Variants in DLG2 observed in about 807,000 individuals in gnomAD.
The protein encoded by DLG2 is discs large MAGUK scaffold protein 2.
In DLG2, 45 loss-of-function variants were observed where a neutral mutation model predicts 132.5. The ratio of observed to expected loss-of-function variants is 0.34; its 90% CI spans 0.27 to 0.44. The LOEUF (loss-of-function observed/expected upper bound fraction) is 0.44, where lower values mean the gene tolerates loss of function less well. DLG2 is among the 20% of genes least tolerant of loss of function. The pLI is 1.00. For synonymous variants in DLG2, 424 were observed against 419.6 expected (o/e 1.01, Z -0.13); for missense variants, 1,045 against 1,196.9 (o/e 0.87, Z 1.87).
chr11:84,284,508 C>T (rs1348584096), intron 7 of DLG2, among the ~76,000 whole-genome samples: 1 of 152,176 alleles, frequency 6.6e-6, no homozygotes, highest in Non-Finnish European at 1.5e-5. Context: ...GAATCATATG[C>T]CCAGTACTAT....
intron 5 of DLG2, among the ~76,000 whole-genome samples, chr11:85,133,524 G>C (rs1406679469): frequency 6.6e-6 from 1 of 152,136 alleles, no homozygotes; most frequent in Non-Finnish European, 1.5e-5. Flanking sequence ...AGTGACATAA[G>C]GAAACTGCGG....
chr11:84,726,309 C>T (rs928349923), intron 6 of DLG2, among the ~76,000 whole-genome samples: 1 of 152,108 alleles, frequency 6.6e-6, no homozygotes, highest in Non-Finnish European at 1.5e-5. Context: ...GTTCCCCTCC[C>T]TATGTCCACG....
chr11:83,898,654 T>C (rs1047006041), intron 15 of DLG2, among the ~76,000 whole-genome samples: 1 of 152,172 alleles, frequency 6.6e-6, no homozygotes, highest in Non-Finnish European at 1.5e-5. Flanking sequence ...AATAATCAAC[T>C]TAACATTTAT....
chr11:85,268,154 T>C (rs2077328102), intron 4 of DLG2, among the ~76,000 whole-genome samples: 1 of 152,192 alleles, frequency 6.6e-6, no homozygotes, highest in South Asian at 2.1e-4. Context: ...TGACACGTTC[T>C]TCATGCATGT....
chr11:84,829,564 G>A (rs917756333), intron 6 of DLG2, among the ~76,000 whole-genome samples: 1 of 151,696 alleles, frequency 6.6e-6, no homozygotes, highest in African/African-American at 2.4e-5. Context: ...GGGCTTAACA[G>A]TTAAACAGGT....
chr11:85,487,654 A>C (rs1344464232), intron 3 of DLG2, among the ~76,000 whole-genome samples: 3 of 152,142 alleles, frequency 2.0e-5, no homozygotes, highest in Non-Finnish European at 2.9e-5. Flanking sequence ...TAAGAAAGAA[A>C]AAAGCCTTTA....
chr11:83,463,256 G>GAAA (rs34949228), intron 26 of DLG2, among the ~76,000 whole-genome samples: 1 of 144,508 alleles, frequency 6.9e-6, no homozygotes. Context: ...AGGCTATTTG[G>GAAA]AAAAAAAAAA....
intron 6 of DLG2, among the ~76,000 whole-genome samples, chr11:85,080,552 T>C (rs919787842): frequency 6.6e-6 from 1 of 152,146 alleles, no homozygotes; most frequent in Non-Finnish European, 1.5e-5. Flanking sequence ...CAGTTTATTT[T>C]AGCTGTCATC....
chr11:84,989,512 T>C (rs139991053), intron 6 of DLG2, among the ~76,000 whole-genome samples: 48 of 152,242 alleles, frequency 3.2e-4, no homozygotes, highest in African/African-American at 1.0e-3. Flanking sequence ...TACCATTCCA[T>C]GGATTGGAAA....
intron 3 of DLG2, among the ~76,000 whole-genome samples, chr11:85,405,922 T>C (rs933994162): frequency 1.8e-4 from 27 of 151,978 alleles, no homozygotes; most frequent in African/African-American, 6.3e-4. Flanking sequence ...AGTTAGATTA[T>C]CAAGAGATAT....
chr11:85,341,603 C>T (rs1179690402), intron 3 of DLG2, among the ~76,000 whole-genome samples: 9 of 152,160 alleles, frequency 5.9e-5, no homozygotes, highest in Admixed American at 4.6e-4. Context: ...CTTAGTAAAA[C>T]TGCCACTAGT....
chr11:85,481,509 C>T (rs907729640), intron 3 of DLG2, among the ~76,000 whole-genome samples: 1 of 152,122 alleles, frequency 6.6e-6, no homozygotes, highest in African/African-American at 2.4e-5. Flanking sequence ...GGGAGAGATA[C>T]CTTCCACTTG....
chr11:85,006,096 C>A (rs146843948), intron 6 of DLG2, among the ~76,000 whole-genome samples: 12,521 of 152,060 alleles, frequency 0.082, 834 homozygotes, highest in Non-Finnish European at 0.11. Flanking sequence ...GGTGGATAAG[C>A]TTTTTTATGT....
chr11:84,713,255 A>G (rs2060643637), intron 6 of DLG2, among the ~76,000 whole-genome samples: 1 of 152,116 alleles, frequency 6.6e-6, no homozygotes, highest in African/African-American at 2.4e-5. Context: ...CTGCTATTTA[A>G]GAGTGATATG....
At position 85,507,330 on chromosome 11, in the gene DLG2, T is replaced by C. The variant is rs549053392; in HGVS notation, c.40+91327A>G. On this transcript the variant is annotated intron_variant, in intron 3 of 27. Coordinates refer to ENST00000376104, the MANE Select transcript of DLG2 (RefSeq NM_001142699.3). ...TCAGTGGTCCTTACAATTTGGCATG[T>C]TTTTGCAGTGGCTGGTACCAGTTGT... Among the ~76,000 whole-genome samples the C allele has an allele frequency of 7.2e-5, 11 of 152,294 alleles. No homozygotes were observed. The East Asian group carries it at 1.9e-3, about 27-fold the overall frequency.
chr11:84,970,191 T>C (rs958695796), intron 6 of DLG2, among the ~76,000 whole-genome samples: 1 of 152,022 alleles, frequency 6.6e-6, no homozygotes, highest in African/African-American at 2.4e-5. Flanking sequence ...AAAAGAAATA[T>C]ACCTTCTTTC....
intron 3 of DLG2, among the ~76,000 whole-genome samples, chr11:85,534,777 G>C (rs1321465482): frequency 1.3e-5 from 2 of 152,266 alleles, no homozygotes; most frequent in East Asian, 3.9e-4. Context: ...GTTTGCTATT[G>C]TGAATGGTGC....
chr11:84,899,169 C>G (rs999382676), intron 6 of DLG2, among the ~76,000 whole-genome samples: 9 of 151,922 alleles, frequency 5.9e-5, no homozygotes, highest in African/African-American at 2.2e-4. Flanking sequence ...ACATCAAAAC[C>G]TATGAAAAAT....
At chr11:85,077,873 C>T (rs558973726) in intron 6 of DLG2, among the ~76,000 whole-genome samples, 1 of 152,112 alleles carries the variant, frequency 6.6e-6, no homozygotes, top group East Asian at 1.9e-4. Flanking sequence ...CCATCTCTGA[C>T]TTCAACAAAA....
Sources: gnomAD v4.1 joint callset for allele counts (sites outside exome capture counted in the v4.1 genomes callset) on GRCh38, gnomAD v4.1.1 for gene constraint, MANE v1.5 for transcripts, NCBI Gene and HGNC (gene_info 2026-07-23, HGNC 2026-07-21) for gene names.